The following ADGRB1 variants were observed in gnomAD, a reference collection of about 807,000 sequenced individuals.
ADGRB1 encodes adhesion G protein-coupled receptor B1, also known as brain-specific angiogenesis inhibitor 1.
ADGRB1 carries 36 observed loss-of-function variants against 175.7 expected under a neutral mutation model. The ratio of observed to expected loss-of-function variants is 0.20; its 90% CI spans 0.16 to 0.27. ADGRB1 has a LOEUF of 0.27. ADGRB1 is among the 10% of genes least tolerant of loss of function. ADGRB1 has a pLI of 1.00. For synonymous variants in ADGRB1, 1,054 were observed against 979.4 expected (o/e 1.08, Z -1.42); for missense variants, 1,731 against 2,255.3 (o/e 0.77, Z 4.71).
At position 142,484,647 on chromosome 8, in the gene ADGRB1, G is replaced by GC. The variant is rs1563701097; in HGVS notation, c.2200-6dup. 1.2e-6 allele frequency: 2 copies of GC among 1,604,912 alleles called. No homozygotes were observed. The highest frequency in any genetic ancestry group is 1.3e-5 in the African/African-American group (1 of 74,928). ...TCCTCCCTCGGCTGCTCACCCCCCT[G>GC]CCCTCCAGGCGGGCCCCAACGCCAA... is the stretch of plus-strand genomic sequence containing the variant. On this transcript the variant is annotated splice_polypyrimidine_tract_variant and intron_variant, in intron 12 of 30. Coordinates refer to ENST00000517894, the MANE Select transcript of ADGRB1 (RefSeq NM_001702.3).
intron 17 of ADGRB1, among the ~76,000 whole-genome samples, chr8:142,502,115 TGAG>T (rs1842599690): frequency 9.6e-6 from 1 of 104,420 alleles, no homozygotes; most frequent in South Asian, 3.4e-4. Context: ...ATGACGGAGG[TGAG>T]GTGGTGGGGG....
chr8:142,466,433 A>G (rs1840279764), intron 2 of ADGRB1, among the ~76,000 whole-genome samples: 1 of 152,218 alleles, frequency 6.6e-6, no homozygotes, highest in Non-Finnish European at 1.5e-5. Context: ...GTGGGGCTAG[A>G]GAGGGGCCAG....
At chr8:142,536,858 G>C (rs750550796) in intron 25 of ADGRB1, 129 bp from the exon 26 acceptor site, 21 of 659,522 alleles carry the variant, frequency 3.2e-5, no homozygotes, top group Non-Finnish European at 4.6e-5. Context: ...CCTGTGGGGA[G>C]GCCTCCTGCT....
intron 18 of ADGRB1, among the ~76,000 whole-genome samples, chr8:142,515,832 C>G (rs1843382753): frequency 6.6e-6 from 1 of 152,202 alleles, no homozygotes; most frequent in Non-Finnish European, 1.5e-5. Context: ...GGCCTGAGCT[C>G]CAGGCTGTGG....
intron 18 of ADGRB1, among the ~76,000 whole-genome samples, chr8:142,513,234 T>C (rs1443163956): frequency 6.6e-6 from 1 of 152,092 alleles, no homozygotes; most frequent in Non-Finnish European, 1.5e-5. Flanking sequence ...AGTGTCCTCA[T>C]CTGTGAGATG....
intron 24 of ADGRB1, among the ~76,000 whole-genome samples, chr8:142,532,322 C>T (rs1563747874): frequency 6.6e-6 from 1 of 152,342 alleles, no homozygotes; most frequent in East Asian, 1.9e-4. Context: ...GGTGTCCCCA[C>T]TGTGAGCAGG....
At chr8:142,488,663 G>T (rs1343676383) in intron 14 of ADGRB1, among the ~76,000 whole-genome samples, 156 bp downstream of exon 14, 1 of 152,120 alleles carries the variant, frequency 6.6e-6, no homozygotes, top group African/African-American at 2.4e-5. Context: ...CCTCTCTGGG[G>T]CCAGGGCCTG....
chr8:142,477,937 A>G (rs1408238476), intron 6 of ADGRB1, among the ~76,000 whole-genome samples: 2 of 148,290 alleles, frequency 1.3e-5, no homozygotes, highest in Non-Finnish European at 3.0e-5. Flanking sequence ...GGTGGCCCCC[A>G]GGGTGTTCTC....
At position 142,526,618 on chromosome 8, in the gene ADGRB1, A is replaced by G; in HGVS notation, c.3389A>G (p.Glu1130Gly). 1 of 1,610,788 alleles carries G rather than the reference A, an allele frequency of 6.2e-7. No homozygotes were observed. The highest frequency in any genetic ancestry group is 8.5e-7 in the Non-Finnish European group (1 of 1,178,750). The change falls in exon 24 of 31, where the codon GAG (glutamate) becomes GGG (glycine). Residue 1130 changes from glutamate to glycine, a missense_variant. Glu to Gly is a moderately conservative substitution (Grantham distance 98). Coordinates refer to ENST00000517894, the MANE Select transcript of ADGRB1 (RefSeq NM_001702.3). ...KDGITDKKLKERAGASLWSSC... is the reference protein window; with the variant it reads ...KDGITDKKLKGRAGASLWSSC... ...GGCATCACGGACAAGAAGCTGAAGG[A>G]GCGGGCAGGGTAGGACCGGGGCTAC...
intron 16 of ADGRB1, among the ~76,000 whole-genome samples, chr8:142,489,875 C>T (rs1841903574): frequency 6.6e-6 from 1 of 152,180 alleles, no homozygotes; most frequent in Non-Finnish European, 1.5e-5. Context: ...GGGAGCGTCC[C>T]CCCAGAACTC....
chr8:142,539,751 A>G, intron 27 of ADGRB1: 2 of 455,640 alleles, frequency 4.4e-6, no homozygotes, highest in Non-Finnish European at 8.1e-6. Context: ...TCGTGGCCCC[A>G]GCGAGGAGCA....
intron 15 of ADGRB1, 70 bp from the exon 16 acceptor site, chr8:142,489,266 C>A: frequency 6.3e-7 from 1 of 1,586,030 alleles, no homozygotes; most frequent in Non-Finnish European, 8.6e-7. Flanking sequence ...CTCGGGGGCA[C>A]CTGGGGAAGG....
chr8:142,465,814 T>C (rs1406414914), intron 2 of ADGRB1, among the ~76,000 whole-genome samples: 1 of 152,102 alleles, frequency 6.6e-6, no homozygotes, highest in Non-Finnish European at 1.5e-5. Flanking sequence ...GGGAACCTCA[T>C]GCCAGGAAGA....
In ADGRB1 at chr8:142,464,245, C is replaced by A; in HGVS notation, c.47C>A (p.Pro16Gln). The A allele has an allele frequency of 7.5e-7, 1 of 1,340,426 alleles. No homozygotes were observed. Among genetic ancestry groups the A allele is most frequent in the Non-Finnish European group, 9.5e-7 (1 of 1,054,364 alleles). The allele number at this position is 1,340,426 out of a possible 1,614,324, so 83.0% of individuals were successfully genotyped here. A position where few individuals can be genotyped will look rare whatever the true frequency, so the allele number is the denominator to read the frequency against. ...CCGGGCCCCGTCTGGATCCTCGCCC[C>A]GCTGCTACTGCTGCTGCTGCTGCTG... ...AAPGPVWILA[P>Q]LLLLLLLLGR... The change falls in exon 2 of 31, where the codon CCG becomes CAG. Residue 16 changes from proline (P) to glutamine (Q), a missense_variant. Around this residue, in one of 8 missense-constraint regions of ADGRB1, gnomAD observed 383 missense variants for 383.1 expected, o/e 1.00. Transcript: ENST00000517894.
At chr8:142,468,626 C>G (rs1381541214) in intron 2 of ADGRB1, among the ~76,000 whole-genome samples, 3 of 152,200 alleles carry the variant, frequency 2.0e-5, no homozygotes, top group Admixed American at 1.3e-4. Flanking sequence ...TGTGGAGGCA[C>G]GCTCTGCCTC....
In ADGRB1 at chr8:142,544,624, CAG is replaced by C. The variant is rs1439380020; in HGVS notation, c.*208_*209del. The C allele has an allele frequency of 3.8e-6, 2 of 520,756 alleles. No individual in the cohort carries two copies. The highest frequency in any genetic ancestry group is 2.0e-5 in the African/African-American group (1 of 49,282). 32.3% of individuals were successfully genotyped at this position (520,756 alleles called of 1,614,324 possible). On this transcript the variant is annotated 3_prime_UTR_variant, in exon 31 of 31. Coordinates refer to ENST00000517894, the MANE Select transcript of ADGRB1 (RefSeq NM_001702.3). ...CAGGAGGCGGCCCGGCCAGCGGGCACAGGGCACCAGAGGCCGAAGGTGCCTCA... is the reference window on the plus strand; with the variant it reads ...CAGGAGGCGGCCCGGCCAGCGGGCACGGCACCAGAGGCCGAAGGTGCCTCA...
At chr8:142,491,043 G>A (rs1841957239) in intron 17 of ADGRB1, among the ~76,000 whole-genome samples, 1 of 152,206 alleles carries the variant, frequency 6.6e-6, no homozygotes, top group Non-Finnish European at 1.5e-5. Flanking sequence ...GGGAGGAGCG[G>A]ACGTGGAGGT....
intron 18 of ADGRB1, among the ~76,000 whole-genome samples, chr8:142,515,559 C>T (rs1358899524): frequency 1.3e-5 from 2 of 152,326 alleles, no homozygotes; most frequent in Admixed American, 6.5e-5. Flanking sequence ...GACGCTTACT[C>T]GGCCGCCTGT....
intron 1 of ADGRB1, among the ~76,000 whole-genome samples, chr8:142,450,498 C>T (rs1839280747): frequency 6.6e-6 from 1 of 152,154 alleles, no homozygotes; most frequent in Admixed American, 6.5e-5. Flanking sequence ...CACACACAGA[C>T]GCTGGCGGGG....
Sources: allele counts gnomAD v4.1 joint callset (sites outside exome capture counted in the v4.1 genomes callset), GRCh38; gene constraint gnomAD v4.1.1; regional missense constraint gnomAD v4.1.1; transcripts MANE v1.5; gene names NCBI Gene and HGNC (gene_info 2026-07-23, HGNC 2026-07-21).